Variants in ANKIB1 observed in about 807,000 individuals in gnomAD.
The protein encoded by ANKIB1 is ankyrin repeat and IBR domain-containing protein 1.
A neutral mutation model predicts 122.1 loss-of-function variants in ANKIB1; 43 were observed. That is an observed-to-expected ratio of 0.35 (90% confidence interval 0.28 to 0.45). ANKIB1 has a LOEUF of 0.45. ANKIB1 is among the 20% of genes least tolerant of loss of function. The pLI is 1.00. For missense variants in ANKIB1, 992 were observed against 1,329.5 expected (o/e 0.75, Z 3.95); for synonymous variants, 390 against 442.0 (o/e 0.88, Z 1.48).
At chr7:92,268,730 C>T (rs955662261) in intron 1 of ANKIB1, among the ~76,000 whole-genome samples, 1 of 152,244 alleles carries the variant, frequency 6.6e-6, no homozygotes, top group African/African-American at 2.4e-5. Flanking sequence ...CCTACCTGGA[C>T]CTCTCCAAGT....
intron 5 of ANKIB1, 58 bp downstream of exon 5, chr7:92,327,958 G>A: frequency 8.9e-7 from 1 of 1,124,118 alleles, no homozygotes; most frequent in Non-Finnish European, 1.3e-6. Context: ...AAACTTCTGA[G>A]TTTTTAAAAG....
chr7:92,257,782 A>C (rs1801480019), intron 1 of ANKIB1, among the ~76,000 whole-genome samples: 1 of 152,232 alleles, frequency 6.6e-6, no homozygotes, highest in African/African-American at 2.4e-5. Flanking sequence ...AGAAGAGTGA[A>C]ACTCTGTCTC....
intron 11 of ANKIB1, among the ~76,000 whole-genome samples, chr7:92,382,142 A>G (rs936445253): frequency 2.9e-4 from 44 of 152,236 alleles, no homozygotes; most frequent in African/African-American, 9.9e-4. Flanking sequence ...AAAAGAGACA[A>G]GGCCATTACA....
intron 3 of ANKIB1, among the ~76,000 whole-genome samples, chr7:92,313,087 G>A (rs1237634448): frequency 2.6e-5 from 4 of 152,110 alleles, no homozygotes; most frequent in Non-Finnish European, 5.9e-5. Context: ...TGTGACAGGG[G>A]TTGTTTTTGA....
intron 6 of ANKIB1, 39 bp from the exon 7 acceptor site, chr7:92,344,939 T>A: frequency 2.0e-6 from 3 of 1,486,812 alleles, no homozygotes; most frequent in Non-Finnish European, 2.8e-6. Context: ...CTTTCAGAAG[T>A]ACATTTCTGT....
At chr7:92,288,059 T>G (rs1802172841) in intron 1 of ANKIB1, among the ~76,000 whole-genome samples, 1 of 132,742 alleles carries the variant, frequency 7.5e-6, no homozygotes, top group Admixed American at 7.5e-5. Flanking sequence ...AAAAAAAAAC[T>G]GCCACCATTC....
At chr7:92,303,546 A>C (rs557036048) in intron 2 of ANKIB1, among the ~76,000 whole-genome samples, 1 of 152,290 alleles carries the variant, frequency 6.6e-6, no homozygotes, top group African/African-American at 2.4e-5. Context: ...GAAAGAAGAC[A>C]GTGTGTATGG....
intron 1 of ANKIB1, among the ~76,000 whole-genome samples, chr7:92,289,629 C>T (rs1434793386): frequency 6.6e-6 from 1 of 152,134 alleles, no homozygotes; most frequent in African/African-American, 2.4e-5. Context: ...GGCCTCGTTC[C>T]CCTTAAGACC....
At chr7:92,322,081 T>C (rs573035798) in intron 4 of ANKIB1, among the ~76,000 whole-genome samples, 5 of 152,304 alleles carry the variant, frequency 3.3e-5, no homozygotes, top group African/African-American at 1.2e-4. Context: ...GTTTGCCATA[T>C]TGCCTCCTTT....
intron 10 of ANKIB1, among the ~76,000 whole-genome samples, chr7:92,369,997 G>A (rs1276136073): frequency 1.3e-5 from 2 of 152,158 alleles, no homozygotes; most frequent in African/African-American, 2.4e-5. Flanking sequence ...AATAAGTTGA[G>A]TTTAAGAAAA....
At chr7:92,283,524 G>T (rs1802052656) in intron 1 of ANKIB1, among the ~76,000 whole-genome samples, 1 of 152,040 alleles carries the variant, frequency 6.6e-6, no homozygotes, top group South Asian at 2.1e-4. Context: ...TGTGTGTTTT[G>T]CACATACTTC....
intron 18 of ANKIB1, 143 bp from the exon 19 acceptor site, chr7:92,397,580 A>C: frequency 1.3e-6 from 1 of 796,672 alleles, no homozygotes; most frequent in South Asian, 1.7e-5. Context: ...GAGAAATCCC[A>C]GAAAGATTAA....
chr7:92,320,618 C>G (rs1213559154), intron 4 of ANKIB1, among the ~76,000 whole-genome samples: 1 of 152,108 alleles, frequency 6.6e-6, no homozygotes, highest in African/African-American at 2.4e-5. Context: ...TTGGGGAATC[C>G]TGTCAATTTT....
intron 1 of ANKIB1, among the ~76,000 whole-genome samples, chr7:92,255,191 A>G (rs1801409879): frequency 1.3e-5 from 2 of 152,142 alleles, no homozygotes; most frequent in African/African-American, 2.4e-5. Context: ...AGAATCATCT[A>G]TATCTGTCTT....
At chr7:92,298,931 C>T (rs779480312) in intron 2 of ANKIB1, among the ~76,000 whole-genome samples, 3 of 152,188 alleles carry the variant, frequency 2.0e-5, no homozygotes, top group African/African-American at 7.2e-5. Flanking sequence ...CAGAATACGA[C>T]GATGGCTCTG....
chr7:92,290,591 A>C (rs913640055), intron 1 of ANKIB1, among the ~76,000 whole-genome samples: 3 of 152,128 alleles, frequency 2.0e-5, no homozygotes, highest in Non-Finnish European at 4.4e-5. Flanking sequence ...ATATACTTTT[A>C]TATGGTTACT....
intron 2 of ANKIB1, among the ~76,000 whole-genome samples, chr7:92,300,922 C>T (rs1014566985): frequency 1.3e-5 from 2 of 152,046 alleles, no homozygotes; most frequent in Non-Finnish European, 2.9e-5. Context: ...TTTTAAAATT[C>T]TACATATAAG....
intron 1 of ANKIB1, among the ~76,000 whole-genome samples, chr7:92,259,957 A>C (rs1456440425): frequency 6.6e-6 from 1 of 152,140 alleles, no homozygotes; most frequent in Admixed American, 6.5e-5. Flanking sequence ...TCCTGTCTTT[A>C]AGCTACCATC....
At chr7:92,252,920 T>C (rs1801359400) in intron 1 of ANKIB1, among the ~76,000 whole-genome samples, 2 of 151,870 alleles carry the variant, frequency 1.3e-5, no homozygotes, top group East Asian at 3.9e-4. Flanking sequence ...TGTGGGTTGT[T>C]TTTTTTTGTG....
Sources: gnomAD v4.1 joint callset for allele counts (sites outside exome capture counted in the v4.1 genomes callset) on GRCh38, gnomAD v4.1.1 for gene constraint, MANE v1.5 for transcripts, NCBI Gene and HGNC (gene_info 2026-07-23, HGNC 2026-07-21) for gene names.